The following BMAL2 variants were observed in gnomAD, a reference collection of about 807,000 sequenced individuals.
BMAL2 encodes basic helix-loop-helix ARNT like 2.
chr12:27,350,464 C>G, the BMAL2 span, among the ~76,000 whole-genome samples: 8 of 152,302 alleles, frequency 5.3e-5, no homozygotes, highest in Middle Eastern at 6.8e-3. Context: ...CCTGTCCCGA[C>G]TGTTTGGGAA....
At chr12:27,387,179 T>C in the BMAL2 span, 1 of 1,281,132 alleles carries the variant, frequency 7.8e-7, no homozygotes, top group Non-Finnish European at 1.1e-6. Flanking sequence ...TGCGTGTGTA[T>C]AAGAGACAGA....
At chr12:27,351,671 G>A in the BMAL2 span, among the ~76,000 whole-genome samples, 69 of 152,296 alleles carry the variant, frequency 4.5e-4, no homozygotes, top group African/African-American at 1.6e-3. Context: ...CCAATTCCAA[G>A]CTTGTTTAGC....
the BMAL2 span, among the ~76,000 whole-genome samples, chr12:27,370,448 C>T: frequency 6.6e-6 from 1 of 152,128 alleles, no homozygotes; most frequent in African/African-American, 2.4e-5. Context: ...TGTCTTTCCC[C>T]AGGACTCAGT....
chr12:27,369,160 C>T, the BMAL2 span, among the ~76,000 whole-genome samples: 1 of 152,138 alleles, frequency 6.6e-6, no homozygotes, highest in African/African-American at 2.4e-5. Flanking sequence ...AGCAACTCAT[C>T]GTAGGCTGGT....
chr12:27,333,916 C>G, the BMAL2 span, among the ~76,000 whole-genome samples: 27 of 152,286 alleles, frequency 1.8e-4, no homozygotes, highest in African/African-American at 5.3e-4. Context: ...CTCACAATTA[C>G]GGAATGAATA....
At chr12:27,415,997 A>G in the BMAL2 span, 42 of 1,298,058 alleles carry the variant, frequency 3.2e-5, no homozygotes, top group Non-Finnish European at 4.6e-5. Flanking sequence ...GAACAATAAA[A>G]TTTGCCCCTT....
chr12:27,414,509 A>T, the BMAL2 span, among the ~76,000 whole-genome samples: 1 of 152,238 alleles, frequency 6.6e-6, no homozygotes. Context: ...GAAAATCGTA[A>T]GAGTCACAAA....
chr12:27,338,064 C>T, the BMAL2 span, among the ~76,000 whole-genome samples: 1 of 152,192 alleles, frequency 6.6e-6, no homozygotes, highest in Non-Finnish European at 1.5e-5. Flanking sequence ...GGTTCTTACT[C>T]AGCTTTATAA....
At chr12:27,350,977 G>A in the BMAL2 span, among the ~76,000 whole-genome samples, 1 of 110,434 alleles carries the variant, frequency 9.1e-6, no homozygotes, top group Non-Finnish European at 1.8e-5. Flanking sequence ...ACCATGCCCA[G>A]ACCCCACCCA....
At chr12:27,346,665 T>C in the BMAL2 span, among the ~76,000 whole-genome samples, 1 of 152,226 alleles carries the variant, frequency 6.6e-6, no homozygotes, top group African/African-American at 2.4e-5. Flanking sequence ...TCTTTTCCCA[T>C]AGTCTGCTGT....
chr12:27,424,720 C>T, the BMAL2 span: 2 of 152,226 alleles, frequency 1.3e-5, no homozygotes, highest in African/African-American at 4.8e-5. Context: ...GAGACTCATA[C>T]TTGCCCAGCA....
the BMAL2 span, among the ~76,000 whole-genome samples, chr12:27,373,393 A>G: frequency 7.6e-3 from 1,155 of 152,316 alleles, 17 homozygotes; most frequent in African/African-American, 0.026. Flanking sequence ...TAGAACCTTC[A>G]AACAGGAAGT....
the BMAL2 span, among the ~76,000 whole-genome samples, chr12:27,372,399 T>G: frequency 6.6e-6 from 1 of 152,236 alleles, no homozygotes; most frequent in Non-Finnish European, 1.5e-5. Context: ...CATATTTGAT[T>G]TATCCAGTCC....
the BMAL2 span, among the ~76,000 whole-genome samples, chr12:27,342,205 T>A: frequency 6.6e-6 from 1 of 152,228 alleles, no homozygotes; most frequent in African/African-American, 2.4e-5. Flanking sequence ...CCCAAAGTAC[T>A]GGGATTACAG....
At chr12:27,339,628 C>CTT in the BMAL2 span, among the ~76,000 whole-genome samples, 143 of 144,594 alleles carry the variant, frequency 9.9e-4, 1 homozygote, top group African/African-American at 3.2e-3. Flanking sequence ...ACTTTTTGAC[C>CTT]TTTTTTTTTT....
At chr12:27,404,328 T>C in the BMAL2 span, among the ~76,000 whole-genome samples, 9 of 152,004 alleles carry the variant, frequency 5.9e-5, no homozygotes, top group South Asian at 1.7e-3. Context: ...TAAAATACGT[T>C]ATAAAGCTAC....
the BMAL2 span, among the ~76,000 whole-genome samples, chr12:27,356,863 A>G: frequency 2.6e-5 from 4 of 152,126 alleles, no homozygotes; most frequent in Non-Finnish European, 4.4e-5. Flanking sequence ...TCACCCGAGC[A>G]GTATACACTG....
At chr12:27,371,434 G>A in the BMAL2 span, among the ~76,000 whole-genome samples, 3 of 152,128 alleles carry the variant, frequency 2.0e-5, no homozygotes, top group Non-Finnish European at 2.9e-5. Flanking sequence ...AAGAACAACC[G>A]TGCAGGCATA....
At chr12:27,376,556 C>T in the BMAL2 span, among the ~76,000 whole-genome samples, 39 of 152,278 alleles carry the variant, frequency 2.6e-4, no homozygotes, top group South Asian at 1.0e-3. Context: ...TCTTGCTTTT[C>T]TGTCTACTTG....
Sources: allele counts gnomAD v4.1 joint callset (sites outside exome capture counted in the v4.1 genomes callset), GRCh38; gene constraint gnomAD v4.1.1; transcripts MANE v1.5; gene names NCBI Gene and HGNC (gene_info 2026-07-23, HGNC 2026-07-21).